HDLBP: variants seen among roughly 807,000 people sequenced by gnomAD.
The protein encoded by HDLBP is vigilin.
HDLBP carries 30 observed loss-of-function variants against 137.3 expected under a neutral mutation model. The observed-to-expected ratio is 0.22, with a 90% CI of 0.16 to 0.30. HDLBP has a LOEUF of 0.30. Among genes scored for constraint, HDLBP ranks in the 10% least tolerant of loss-of-function variants. The probability of loss-of-function intolerance (pLI) is 1.00; values close to 1 mark genes in which losing one functional copy is unlikely to be tolerated. For synonymous variants in HDLBP, 606 were observed against 596.0 expected, an observed-to-expected ratio of 1.02 and a Z score of -0.24; for missense variants, 1,119 against 1,667.3, an observed-to-expected ratio of 0.67 and a Z score of 5.73.
At chr2:241,312,837 G>T (rs891458074) in intron 1 of HDLBP, among the ~76,000 whole-genome samples, 2 of 152,216 alleles carry the variant, frequency 1.3e-5, no homozygotes, top group African/African-American at 4.8e-5. Flanking sequence ...AGGATCGTAA[G>T]ATATCCCAGT....
chr2:241,263,036 C>T (rs2073327204), intron 4 of HDLBP, 110 bp from the exon 5 acceptor site: 1 of 822,956 alleles, frequency 1.2e-6, no homozygotes, highest in South Asian at 1.7e-5. Flanking sequence ...CAGCCCCACC[C>T]TGCCCACAGG....
intron 1 of HDLBP, among the ~76,000 whole-genome samples, chr2:241,310,576 A>C (rs1194018893): frequency 6.6e-6 from 1 of 152,220 alleles, no homozygotes; most frequent in Admixed American, 6.5e-5. Flanking sequence ...AAAAACAAAA[A>C]CAAAAATTTT....
rs113127197 is a variant in HDLBP, at chr2:241,288,128, G to T, written c.-102-19587C>A. ...ACCTCCACCTGGAGAGGGAAAAGAGGACACTTAAGTATCACCAGGTACTAC... is the reference window on the plus strand; with the variant it reads ...ACCTCCACCTGGAGAGGGAAAAGAGTACACTTAAGTATCACCAGGTACTAC... On this transcript the variant is annotated intron_variant, in intron 1 of 27. Transcript: ENST00000310931. Among the ~76,000 whole-genome samples, 9 of 152,316 alleles carry T rather than the reference G, an allele frequency of 5.9e-5. 1 individual carries two copies. Among genetic ancestry groups the T allele is most frequent in the African/African-American group, 2.2e-4 (9 of 41,572 alleles).
intron 1 of HDLBP, among the ~76,000 whole-genome samples, chr2:241,281,274 A>T (rs1038204530): frequency 4.1e-5 from 6 of 147,086 alleles, no homozygotes; most frequent in African/African-American, 1.5e-4. Flanking sequence ...GAATCGCTTG[A>T]ACCCGGGAGG....
rs1162004251 is a variant in HDLBP at position 241,296,076 on chromosome 2, A to G, written c.-103+19494T>C. ...GATTCTCCTAAAAATTCACCTAAAC[A>G]TAAAACCAGGCTAGAAAATTTTGCA... On this transcript the variant is annotated intron_variant, in intron 1 of 27. Transcript: ENST00000310931. Among the ~76,000 whole-genome samples the G allele has an allele frequency of 3.3e-5, 5 of 151,410 alleles. No homozygotes were observed. The East Asian group carries it at 9.7e-4, about 29-fold the overall frequency.
intron 9 of HDLBP, among the ~76,000 whole-genome samples, chr2:241,253,977 TATA>T (rs2072410136): frequency 6.6e-6 from 1 of 152,168 alleles, no homozygotes; most frequent in Non-Finnish European, 1.5e-5. Flanking sequence ...GACTGGTCCT[TATA>T]TGAAGCTATA....
chr2:241,244,807 G>A (rs1435195616), intron 16 of HDLBP, among the ~76,000 whole-genome samples: 1 of 152,104 alleles, frequency 6.6e-6, no homozygotes, highest in Non-Finnish European at 1.5e-5. Context: ...AAAAAATAAT[G>A]GAATTTTTTT....
intron 16 of HDLBP, among the ~76,000 whole-genome samples, chr2:241,246,254 C>G (rs754260491): frequency 2.0e-5 from 3 of 150,074 alleles, no homozygotes; most frequent in Non-Finnish European, 3.0e-5. Flanking sequence ...CTGGGGGTTG[C>G]CTGGGGATAG....
chr2:241,229,786 C>A, intron 27 of HDLBP, 47 bp downstream of exon 27: 2 of 525,360 alleles, frequency 3.8e-6, no homozygotes, highest in South Asian at 1.5e-5. Context: ...GCCCGCCTGC[C>A]CGCCCACCCT....
chr2:241,307,412 C>A (rs2075617640), intron 1 of HDLBP, among the ~76,000 whole-genome samples: 1 of 152,212 alleles, frequency 6.6e-6, no homozygotes, highest in South Asian at 2.1e-4. Flanking sequence ...TACAGCTAAG[C>A]CTCCTGAGAG....
rs777658236 is a variant in HDLBP, at chr2:241,262,717, C to T, written c.444G>A (p.Gln148=). 20 of 1,613,150 alleles carry T rather than the reference C, an allele frequency of 1.2e-5. No homozygotes were observed. Among genetic ancestry groups the T allele is most frequent in the Non-Finnish European group, 1.7e-5 (20 of 1,179,488 alleles). The change falls in exon 5 of 28, where the codon CAG becomes CAA. Residue 148 remains glutamine (Q), a synonymous_variant. Coordinates refer to ENST00000310931, the MANE Select transcript of HDLBP (RefSeq NM_005336.6). The stretch of plus-strand genomic sequence containing the variant: ...TAGGCCTCAGGCTACCCACCTGAGT[C>T]TGCAGTCTAGCAACAATGTCCTTCC... ...KARKDIVARL[Q]TQASATVAIP...
chr2:241,313,397 A>C (rs922132413), intron 1 of HDLBP, among the ~76,000 whole-genome samples: 1 of 152,134 alleles, frequency 6.6e-6, no homozygotes, highest in African/African-American at 2.4e-5. Context: ...CTCATGCCTC[A>C]GCCTCTTGAG....
At chr2:241,261,520 T>C (rs2073183856) in intron 5 of HDLBP, among the ~76,000 whole-genome samples, 1 of 152,004 alleles carries the variant, frequency 6.6e-6, no homozygotes, top group Non-Finnish European at 1.5e-5. Context: ...AGTAGGAGAG[T>C]GTCAGGGGTC....
intron 1 of HDLBP, among the ~76,000 whole-genome samples, chr2:241,306,856 T>C (rs1474757100): frequency 6.8e-6 from 1 of 146,256 alleles, no homozygotes; most frequent in Admixed American, 7.0e-5. Flanking sequence ...TACTCCAGCC[T>C]GGGTGACAGG....
At position 241,228,072 on chromosome 2, in the gene HDLBP, G is replaced by A. The variant is rs900776621; in HGVS notation, c.*1529C>T. 6.6e-6 allele frequency: 1 copy of A among 152,212 alleles called. No homozygotes were observed. The highest frequency in any genetic ancestry group is 2.4e-5 in the African/African-American group (1 of 41,446). The allele number at this position is 152,212 out of a possible 1,614,324, so 9.4% of individuals were successfully genotyped here. ...GCCGTCTGGGTCTACTCAAGAATTCGAGTCTGAAGATGACCAAGCTTGAGT... is the reference window on the plus strand; with the variant it reads ...GCCGTCTGGGTCTACTCAAGAATTCAAGTCTGAAGATGACCAAGCTTGAGT... On this transcript the variant is annotated 3_prime_UTR_variant, in exon 28 of 28. Coordinates refer to ENST00000310931, the MANE Select transcript of HDLBP (RefSeq NM_005336.6).
intron 21 of HDLBP, chr2:241,236,003 C>T (rs1268681518): frequency 2.5e-5 from 5 of 198,594 alleles, no homozygotes; most frequent in Non-Finnish European, 5.1e-5. Flanking sequence ...TGGCTAATGC[C>T]CACGAGGTGC....
At chr2:241,299,739 C>T (rs1205144874) in intron 1 of HDLBP, among the ~76,000 whole-genome samples, 1 of 151,938 alleles carries the variant, frequency 6.6e-6, no homozygotes, top group East Asian at 1.9e-4. Flanking sequence ...CACGGTGAAA[C>T]CCTATCTCTA....
intron 1 of HDLBP, among the ~76,000 whole-genome samples, chr2:241,288,734 C>T (rs766494321): frequency 5.3e-4 from 80 of 152,306 alleles, no homozygotes; most frequent in Non-Finnish European, 1.0e-3. Flanking sequence ...AGCTCCTGCA[C>T]ACACACATAC....
chr2:241,302,283 G>C (rs1245356462), intron 1 of HDLBP, among the ~76,000 whole-genome samples: 1 of 151,972 alleles, frequency 6.6e-6, no homozygotes, highest in Admixed American at 6.5e-5. Flanking sequence ...GCCAGGTTAG[G>C]TGGTTCACAC....
Sources: allele counts gnomAD v4.1 joint callset (sites outside exome capture counted in the v4.1 genomes callset), GRCh38; gene constraint gnomAD v4.1.1; transcripts MANE v1.5; gene names NCBI Gene and HGNC (gene_info 2026-07-23, HGNC 2026-07-21).